The following KIF24 variants were observed in gnomAD, a reference collection of about 807,000 sequenced individuals.
KIF24 encodes kinesin-like protein KIF24.
A neutral mutation model predicts 118.9 loss-of-function variants in KIF24; 81 were observed. The ratio of observed to expected loss-of-function variants is 0.68; its 90% confidence interval spans 0.57 to 0.82. KIF24 has a LOEUF of 0.82. Ranked by LOEUF, KIF24 falls within the 40% of genes least tolerant of loss-of-function variation. The pLI is 0.00. For missense variants in KIF24, 1,560 were observed against 1,661.6 expected (o/e 0.94, Z 1.06); for synonymous variants, 599 against 610.0 (o/e 0.98, Z 0.27).
chr9:34,331,801 C>G (rs1437683458), upstream of KIF24, among the ~76,000 whole-genome samples: 2 of 152,228 alleles, frequency 1.3e-5, no homozygotes, highest in African/African-American at 4.8e-5. Context: ...TATAGCACTT[C>G]AAATTCAACT....
In KIF24 at chr9:34,255,984, G is replaced by A. The variant is rs1834818776; in HGVS notation, c.3623C>T (p.Pro1208Leu). The change falls in exon 11 of 13, where the codon CCA becomes CTA. Residue 1208 changes from proline to leucine, a missense_variant. Physicochemically the swap from Pro to Leu is moderately conservative, Grantham distance 98. This residue lies in a region of KIF24 where 591 missense variants were observed against 655.6 expected (regional missense o/e 0.90). Transcript: ENST00000402558. ...AGCCACATCACTACTTCCTGTTCGT[G>A]GGGTGAGTGTAGGTCCAGAATGGGG... The part of the protein sequence containing the change: ...GVPHSGPTLT[P>L]RTGSSDVADQ... 6.2e-7 allele frequency: 1 copy of A among 1,613,990 alleles called. No homozygotes were observed. Among genetic ancestry groups the A allele is most frequent in the Non-Finnish European group, 8.5e-7 (1 of 1,179,874 alleles).
In KIF24 at chr9:34,256,767, A is replaced by G; in HGVS notation, c.2840T>C (p.Ile947Thr). The G allele has an allele frequency of 1.4e-5, 22 of 1,613,964 alleles. No homozygotes were observed. The highest frequency in any genetic ancestry group is 1.8e-5 in the Non-Finnish European group (21 of 1,179,882). Residue 947 changes from isoleucine (I) to threonine (T), a missense_variant, in exon 11 of 13, where the codon ATA (isoleucine) becomes ACA (threonine). Coordinates refer to ENST00000402558, the MANE Select transcript of KIF24 (RefSeq NM_194313.4). ...EKPYCSQVDF[I>T]YRQERGGGSS... ...GCCTCCACCTCTTTCCTGTCTATAT[A>G]TGAAATCTACCTGTGAACAGTATGG...
At chr9:34,263,736 T>C (rs1301251727) in intron 8 of KIF24, among the ~76,000 whole-genome samples, 1 of 122,240 alleles carries the variant, frequency 8.2e-6, no homozygotes, top group Non-Finnish European at 1.8e-5. Context: ...ATTTTTTTCT[T>C]AATTTTTTTT....
At chr9:34,294,690 C>A (rs779813550) in intron 4 of KIF24, among the ~76,000 whole-genome samples, 1 of 152,176 alleles carries the variant, frequency 6.6e-6, no homozygotes, top group Non-Finnish European at 1.5e-5. Flanking sequence ...ACCACAGATA[C>A]GTGTAACAAC....
At position 34,318,964 on chromosome 9, in the gene KIF24, G is replaced by C; in HGVS notation, c.-25-7593C>G. ...AGACCACCGACGGCAAGCTGCCCAA[G>C]GTCACCAAGGACATGGAGTGCATGG... is the stretch of plus-strand genomic sequence containing the variant. On this transcript the variant is annotated intron_variant, in intron 1 of 12. Transcript: ENST00000402558. This position sits in a 1 kb window ranked among gnomAD's most constrained non-coding sequence, Gnocchi z 4.9. 7.1e-7 allele frequency: 1 copy of C among 1,409,590 alleles called. No individual in the cohort carries two copies. Among genetic ancestry groups the C allele is most frequent in the Non-Finnish European group, 1.0e-6 (1 of 999,822 alleles). The allele number at this position is 1,409,590 out of a possible 1,614,324, so 87.3% of individuals were successfully genotyped here. A position where few individuals can be genotyped will look rare whatever the true frequency, so the allele number is the denominator to read the frequency against.
chr9:34,300,319 G>T (rs1836650097), intron 3 of KIF24, among the ~76,000 whole-genome samples: 1 of 151,852 alleles, frequency 6.6e-6, no homozygotes, highest in Admixed American at 6.6e-5. Flanking sequence ...TTAAACTTTT[G>T]ATTAAGCTTA....
At position 34,256,511 on chromosome 9, in the gene KIF24, C is replaced by T; in HGVS notation, c.3096G>A (p.Glu1032=). 3 of 1,613,912 alleles carry T rather than the reference C, an allele frequency of 1.9e-6. No homozygotes were observed. Among genetic ancestry groups the T allele is most frequent in the Non-Finnish European group, 2.5e-6 (3 of 1,179,836 alleles). The part of the protein sequence containing the change: ...TVKNGHAVPG[E]DPRGQLGTHA... ...GCGTGCCTAACTGCCCCCTAGGATC[C>T]TCTCCTGGGACAGCATGACCGTTTT... The change falls in exon 11 of 13, where the codon GAG becomes GAA. Residue 1032 remains glutamate, a synonymous_variant. Coordinates refer to ENST00000402558, the MANE Select transcript of KIF24 (RefSeq NM_194313.4).
At chr9:34,288,632 T>C (rs1836139252) in intron 5 of KIF24, among the ~76,000 whole-genome samples, 1 of 151,866 alleles carries the variant, frequency 6.6e-6, no homozygotes, top group African/African-American at 2.4e-5. Context: ...TATATATATA[T>C]ACATGAACCC....
chr9:34,308,713 G>C (rs11790059), intron 2 of KIF24, among the ~76,000 whole-genome samples: 22,678 of 152,144 alleles, frequency 0.15, 2,041 homozygotes, highest in South Asian at 0.31. Flanking sequence ...CAGGGCTCTA[G>C]GATGACTCAT....
At chr9:34,315,196 ATTAT>A (rs1837293833) in intron 1 of KIF24, among the ~76,000 whole-genome samples, 1 of 152,102 alleles carries the variant, frequency 6.6e-6, no homozygotes, top group Admixed American at 6.5e-5. Context: ...ATGTGACTGT[ATTAT>A]TTATTTTAAA....
In KIF24 at chr9:34,297,088, A is replaced by T. The variant is rs1836512462; in HGVS notation, c.840T>A (p.Phe280Leu). The stretch of plus-strand genomic sequence containing the variant: ...CATCCTGATTGGTGCACGCCTCACC[A>T]AAGACTTCATCAAAATAAAAAACAT... ...LQHVFYFDEV[F>L]GEACTNQDVY... The change falls in exon 4 of 13, where the codon TTT becomes TTA. Residue 280 changes from phenylalanine (F) to leucine (L), a missense_variant. Coordinates refer to ENST00000402558, the MANE Select transcript of KIF24 (RefSeq NM_194313.4). 6.3e-7 allele frequency: 1 copy of T among 1,585,760 alleles called. No individual in the cohort carries two copies. Among genetic ancestry groups the T allele is most frequent in the Admixed American group, 1.8e-5 (1 of 57,114 alleles).
In KIF24 at chr9:34,256,230, T is replaced by C. The variant is rs955754886; in HGVS notation, c.3377A>G (p.Asp1126Gly). The change falls in exon 11 of 13, where the codon GAT becomes GGT. Residue 1126 changes from aspartate (D) to glycine (G), a missense_variant. Asp to Gly is a moderately conservative substitution (Grantham distance 94). Around this residue, in one of 3 missense-constraint regions of KIF24, gnomAD observed 591 missense variants for 655.6 expected, o/e 0.90. Coordinates refer to ENST00000402558, the MANE Select transcript of KIF24 (RefSeq NM_194313.4). ...GGGTGATGGGGACAGAGCTGGAAGA[T>C]CACCACCAGGCTTATTATCAGGGGG... ...SSPPDNKPGGDLPALSPSPIR... is the reference protein window; with the variant it reads ...SSPPDNKPGGGLPALSPSPIR... 1.9e-6 allele frequency: 3 copies of C among 1,603,280 alleles called. No homozygotes were observed. The highest frequency in any genetic ancestry group is 2.6e-6 in the Non-Finnish European group (3 of 1,173,936).
chr9:34,309,267 C>T (rs1000861304), intron 2 of KIF24, among the ~76,000 whole-genome samples: 2 of 152,002 alleles, frequency 1.3e-5, no homozygotes, highest in Non-Finnish European at 2.9e-5. Flanking sequence ...ATAGGCCAGG[C>T]GTGGTGGCTC....
At chr9:34,276,237 C>T (rs772514416) in intron 6 of KIF24, among the ~76,000 whole-genome samples, 1 of 151,980 alleles carries the variant, frequency 6.6e-6, no homozygotes, top group Non-Finnish European at 1.5e-5. Flanking sequence ...TCCGTCTCTA[C>T]TAAAAATACA....
At chr9:34,329,356 CT>C (rs1220025496), upstream of KIF24, 1 of 152,280 alleles carries the variant, frequency 6.6e-6, no homozygotes, top group African/African-American at 2.4e-5. Context: ...GACTTCTCCT[CT>C]GGAAGACCAA....
rs187830084 is a variant in KIF24 at position 34,278,028 on chromosome 9, A to C, written c.1216-6098T>G. On this transcript the variant is annotated intron_variant, in intron 6 of 12. Transcript: ENST00000402558. ...AGAGGCTCACGCCTGTACTCCCAGCACTCTGGGAGGCTGAGAAGGGCGGTC... is the reference window on the plus strand; with the variant it reads ...AGAGGCTCACGCCTGTACTCCCAGCCCTCTGGGAGGCTGAGAAGGGCGGTC... Among the ~76,000 whole-genome samples, 5 of 152,102 alleles carry C rather than the reference A, an allele frequency of 3.3e-5. No homozygotes were observed. In the East Asian group the frequency reaches 9.6e-4, roughly 29 times the overall value.
chr9:34,259,583 G>A lies in KIF24; in HGVS notation c.1625+13C>T. On this transcript the variant is annotated intron_variant, in intron 10 of 12. Transcript: ENST00000402558. ...ACACTTACACACAACCTGCCATCTG[G>A]GAGCTGACTTACCGGTCAGCATAGC... 1 of 1,601,670 alleles carries A rather than the reference G, an allele frequency of 6.2e-7. No individual in the cohort carries two copies. The highest frequency in any genetic ancestry group is 8.6e-7 in the Non-Finnish European group (1 of 1,168,848).
chr9:34,311,882 T>C (rs1837182745), intron 1 of KIF24, among the ~76,000 whole-genome samples: 1 of 151,904 alleles, frequency 6.6e-6, no homozygotes, highest in Non-Finnish European at 1.5e-5. Flanking sequence ...AACCTTGCAA[T>C]GTCTACTTAA....
Position 34,256,126 on chromosome 9 carries a change from G to C in KIF24, c.3481C>G (p.Leu1161Val). 6.2e-7 allele frequency: 1 copy of C among 1,609,308 alleles called. No individual in the cohort carries two copies. Among genetic ancestry groups the C allele is most frequent in the Non-Finnish European group, 8.5e-7 (1 of 1,176,052 alleles). ...CTACCCATGTGTTCGTGGGAGAAAA[G>C]TACAGTCTCTCTGCTCTGGCAGGCC... ...GEACQSRETVLFSHEHMGSEQ... is the reference protein window; with the variant it reads ...GEACQSRETVVFSHEHMGSEQ... Residue 1161 changes from leucine to valine, a missense_variant, in exon 11 of 13, where the codon CTT becomes GTT. Transcript: ENST00000402558.
Sources: allele counts gnomAD v4.1 joint callset (sites outside exome capture counted in the v4.1 genomes callset), GRCh38; gene constraint gnomAD v4.1.1; regional missense constraint gnomAD v4.1.1; non-coding constraint Gnocchi (gnomAD v3.1); transcripts MANE v1.5; gene names NCBI Gene and HGNC (gene_info 2026-07-23, HGNC 2026-07-21).